KALRN: variants seen among roughly 807,000 people sequenced by gnomAD.
The protein encoded by KALRN is kalirin RhoGEF kinase, also known as kalirin.
In KALRN, 70 loss-of-function variants were observed where a neutral mutation model predicts 353.7. That is an observed-to-expected ratio of 0.20 (90% CI 0.16 to 0.24). The LOEUF is 0.24. Ranked by LOEUF, KALRN falls within the 10% of genes least tolerant of loss-of-function variation. The probability of loss-of-function intolerance (pLI) is 1.00; values close to 1 mark genes in which losing one functional copy is unlikely to be tolerated. For synonymous variants in KALRN, 1,391 were observed against 1,434.8 expected, an observed-to-expected ratio of 0.97 and a Z score of 0.69; for missense variants, 2,791 against 3,756.7, an observed-to-expected ratio of 0.74 and a Z score of 6.72.
chr3:124,702,245 CTAAAA>C, intron 57 of KALRN, 129 bp downstream of exon 57: 4 of 525,466 alleles, frequency 7.6e-6, no homozygotes, highest in Non-Finnish European at 1.3e-5. Context: ...AAGAAAAAAA[CTAAAA>C]TATTCGTTTG....
At chr3:124,561,575 A>G (rs751511794) in intron 33 of KALRN, among the ~76,000 whole-genome samples, 2 of 152,178 alleles carry the variant, frequency 1.3e-5, no homozygotes, top group Non-Finnish European at 2.9e-5. Context: ...GCCACTGGGC[A>G]GAAGCTTCCC....
intron 33 of KALRN, among the ~76,000 whole-genome samples, chr3:124,513,480 G>A (rs908750375): frequency 1.3e-4 from 20 of 152,150 alleles, no homozygotes. Flanking sequence ...CACTGTGTGA[G>A]CAGCAAGCTT....
intron 15 of KALRN, among the ~76,000 whole-genome samples, chr3:124,427,058 G>C (rs543406946): frequency 6.6e-6 from 1 of 152,172 alleles, no homozygotes; most frequent in Admixed American, 6.5e-5. Flanking sequence ...AATCAAGATG[G>C]ACATTTAGGA....
chr3:124,187,065 T>G (rs2074317941), intron 1 of KALRN, among the ~76,000 whole-genome samples: 1 of 152,146 alleles, frequency 6.6e-6, no homozygotes, highest in African/African-American at 2.4e-5. Flanking sequence ...ACATGTAGAT[T>G]GAACTATCTT....
intron 1 of KALRN, among the ~76,000 whole-genome samples, chr3:124,058,360 C>T (rs1217520535): frequency 1.3e-5 from 2 of 152,092 alleles, no homozygotes; most frequent in Non-Finnish European, 2.9e-5. Flanking sequence ...TTAGCTGATG[C>T]CCTATCTTTG....
chr3:124,390,919 C>T (rs566188219), intron 11 of KALRN, among the ~76,000 whole-genome samples: 4 of 152,160 alleles, frequency 2.6e-5, no homozygotes, highest in African/African-American at 9.6e-5. Flanking sequence ...ATTATGCAAG[C>T]AGGAGAGGGT....
At chr3:124,129,719 A>G (rs916217975) in intron 1 of KALRN, among the ~76,000 whole-genome samples, 1 of 152,206 alleles carries the variant, frequency 6.6e-6, no homozygotes, top group African/African-American at 2.4e-5. Context: ...CTCTATCACC[A>G]TGGCCCTATG....
At chr3:124,328,134 T>C (rs142310545) in intron 7 of KALRN, among the ~76,000 whole-genome samples, 107 of 152,336 alleles carry the variant, frequency 7.0e-4, no homozygotes, top group African/African-American at 2.3e-3. Context: ...AAGAACTTCC[T>C]AAAGACTGAA....
chr3:124,251,350 CT>C (rs2071124087), intron 3 of KALRN, among the ~76,000 whole-genome samples: 2 of 121,910 alleles, frequency 1.6e-5, no homozygotes, highest in South Asian at 5.8e-4. Context: ...CATGGCAAGT[CT>C]TTGCTTTTTT....
At chr3:124,538,183 C>T (rs894962982) in intron 33 of KALRN, among the ~76,000 whole-genome samples, 5 of 151,934 alleles carry the variant, frequency 3.3e-5, no homozygotes, top group Admixed American at 6.6e-5. Flanking sequence ...CACAGCAGGA[C>T]GATTTTGAGT....
chr3:124,671,107 A>G (rs1159148155), intron 47 of KALRN, among the ~76,000 whole-genome samples: 1 of 152,160 alleles, frequency 6.6e-6, no homozygotes, highest in Non-Finnish European at 1.5e-5. Flanking sequence ...CCTAACCACT[A>G]CAAGGTCAGT....
chr3:124,104,435 G>C (rs2062118976), intron 1 of KALRN, among the ~76,000 whole-genome samples: 1 of 152,190 alleles, frequency 6.6e-6, no homozygotes, highest in Admixed American at 6.5e-5. Flanking sequence ...CCTGAATTAC[G>C]AGGATGGAAA....
At position 124,671,640 on chromosome 3, in the gene KALRN, C is replaced by G; in HGVS notation, c.6704-20C>G. 6.4e-7 allele frequency: 1 copy of G among 1,568,276 alleles called. No homozygotes were observed. Among genetic ancestry groups the G allele is most frequent in the Non-Finnish European group, 8.8e-7 (1 of 1,138,636 alleles). On this transcript the variant is annotated intron_variant, in intron 47 of 59. Coordinates refer to ENST00000682506, the MANE Select transcript of KALRN (RefSeq NM_001388419.1). ...TGGGATTCCCAAAGCTTAGAGTAAC[C>G]ACCTGCTCTTATCCCACAGCACTGC... is the stretch of plus-strand genomic sequence containing the variant.
chr3:124,721,639 C>T lies in KALRN; in HGVS notation c.*2169C>T, dbSNP rs2063356136. On this transcript the variant is annotated 3_prime_UTR_variant, in exon 60 of 60. Transcript: ENST00000682506. Reference sequence around the variant, plus strand: ...ACTAAAACCCTTTCAATAAACATGTCTTCATTATGGTATACAGCATAAAAG... The same window carrying T: ...ACTAAAACCCTTTCAATAAACATGTTTTCATTATGGTATACAGCATAAAAG... 6.6e-6 allele frequency: 1 copy of T among 152,170 alleles called. No homozygotes were observed. Among genetic ancestry groups the T allele is most frequent in the Non-Finnish European group, 1.5e-5 (1 of 68,028 alleles). The allele number at this position is 152,170 out of a possible 1,614,324, so 9.4% of individuals were successfully genotyped here.
intron 10 of KALRN, among the ~76,000 whole-genome samples, chr3:124,366,815 T>G (rs1330034610): frequency 8.5e-6 from 1 of 118,028 alleles, no homozygotes; most frequent in East Asian, 2.6e-4. Flanking sequence ...CCGGACGGGG[T>G]GGCTGGCTGG....
At chr3:124,311,059 T>C (rs1292758012) in intron 6 of KALRN, among the ~76,000 whole-genome samples, 4 of 139,020 alleles carry the variant, frequency 2.9e-5, no homozygotes, top group Non-Finnish European at 6.1e-5. Flanking sequence ...AATGAGATAC[T>C]ACTTCTTTTT....
intron 34 of KALRN, among the ~76,000 whole-genome samples, chr3:124,605,282 G>T (rs1478818002): frequency 1.3e-5 from 2 of 151,398 alleles, no homozygotes; most frequent in African/African-American, 4.9e-5. Context: ...GAGATAATAG[G>T]TGCATTGGCT....
chr3:124,604,256 C>T (rs1293398591), intron 34 of KALRN, among the ~76,000 whole-genome samples: 3 of 152,116 alleles, frequency 2.0e-5, no homozygotes, highest in South Asian at 2.1e-4. Flanking sequence ...CCCACTAACT[C>T]GTCATCTAGC....
intron 1 of KALRN, among the ~76,000 whole-genome samples, chr3:124,142,884 G>A (rs1353005111): frequency 6.6e-6 from 1 of 152,010 alleles, no homozygotes. Flanking sequence ...GTGCCTCAGT[G>A]CTAAATTTAA....
Sources: gnomAD v4.1 joint callset for allele counts (sites outside exome capture counted in the v4.1 genomes callset) on GRCh38, gnomAD v4.1.1 for gene constraint, MANE v1.5 for transcripts, NCBI Gene and HGNC (gene_info 2026-07-23, HGNC 2026-07-21) for gene names.